SPOCK3: variants seen among roughly 807,000 people sequenced by gnomAD.
The protein encoded by SPOCK3 is SPARC (osteonectin), cwcv and kazal like domains proteoglycan 3, also known as testican-3.
SPOCK3 carries 30 observed loss-of-function variants against 56.6 expected under a neutral mutation model. That is an observed-to-expected ratio of 0.53 (90% CI 0.40 to 0.72). SPOCK3 has a LOEUF of 0.72. Ranked by LOEUF, SPOCK3 falls within the 30% of genes least tolerant of loss-of-function variation. The probability of loss-of-function intolerance (pLI) is 0.00; values close to 1 mark genes in which losing one functional copy is unlikely to be tolerated. For missense variants in SPOCK3, 527 were observed against 530.0 expected (o/e 0.99, Z 0.06); for synonymous variants, 196 against 183.3 (o/e 1.07, Z -0.56).
chr4:166,896,818 G>C (rs191324368), intron 5 of SPOCK3, among the ~76,000 whole-genome samples: 1 of 152,234 alleles, frequency 6.6e-6, no homozygotes, highest in East Asian at 1.9e-4. Context: ...TTCCTCTGTA[G>C]TATAAAAATT....
chr4:167,082,574 A>T (rs928136150), intron 2 of SPOCK3, among the ~76,000 whole-genome samples: 1 of 152,062 alleles, frequency 6.6e-6, no homozygotes, highest in African/African-American at 2.4e-5. Context: ...TGACTGTTTT[A>T]TGCTTGTTTA....
chr4:166,762,395 A>G (rs1737358834), intron 7 of SPOCK3, among the ~76,000 whole-genome samples: 1 of 152,114 alleles, frequency 6.6e-6, no homozygotes, highest in Admixed American at 6.6e-5. Context: ...CCCTTGATCC[A>G]AAGTATAAAA....
At chr4:166,932,076 C>T (rs1739852471) in intron 4 of SPOCK3, among the ~76,000 whole-genome samples, 2 of 152,154 alleles carry the variant, frequency 1.3e-5, no homozygotes, top group Admixed American at 1.3e-4. Flanking sequence ...TTATTGCTTT[C>T]AGAATAATGC....
At chr4:167,166,239 T>C (rs1765751335) in intron 2 of SPOCK3, among the ~76,000 whole-genome samples, 2 of 152,032 alleles carry the variant, frequency 1.3e-5, no homozygotes, top group Admixed American at 6.6e-5. Context: ...AACTAGAACA[T>C]TGCAGAAAAA....
chr4:166,967,544 C>A (rs1744874669), intron 4 of SPOCK3, among the ~76,000 whole-genome samples: 2 of 152,286 alleles, frequency 1.3e-5, no homozygotes, highest in Non-Finnish European at 2.9e-5. Flanking sequence ...CTCTATTCTG[C>A]CACCATGTGA....
chr4:166,927,431 C>T (rs991906007), intron 4 of SPOCK3, among the ~76,000 whole-genome samples: 27 of 152,170 alleles, frequency 1.8e-4, no homozygotes, highest in African/African-American at 5.8e-4. Context: ...TTTCACCTTT[C>T]GCCATGATTG....
At chr4:166,800,865 A>G (rs929514354) in intron 6 of SPOCK3, among the ~76,000 whole-genome samples, 1 of 152,030 alleles carries the variant, frequency 6.6e-6, no homozygotes, top group Non-Finnish European at 1.5e-5. Flanking sequence ...TTCACTCACC[A>G]CTCACTCAGT....
intron 4 of SPOCK3, among the ~76,000 whole-genome samples, chr4:166,978,145 G>A (rs1320332295): frequency 6.6e-6 from 1 of 152,086 alleles, no homozygotes; most frequent in Non-Finnish European, 1.5e-5. Flanking sequence ...GTATTATTAG[G>A]ATTGGCAATT....
At chr4:166,915,369 A>G (rs1194232851) in intron 4 of SPOCK3, among the ~76,000 whole-genome samples, 1 of 152,186 alleles carries the variant, frequency 6.6e-6, no homozygotes, top group African/African-American at 2.4e-5. Context: ...TTGGTTTGGC[A>G]TCAGAGATTG....
At position 166,955,262 on chromosome 4, in the gene SPOCK3, A is replaced by T. The variant is rs896999656; in HGVS notation, c.351-42519T>A. Among the ~76,000 whole-genome samples, 14 of 151,528 alleles carry T rather than the reference A, an allele frequency of 9.2e-5. No homozygotes were observed. In the East Asian group the frequency reaches 2.5e-3, roughly 27 times the overall value. On this transcript the variant is annotated intron_variant, in intron 4 of 10. Coordinates refer to ENST00000357545, the MANE Select transcript of SPOCK3 (RefSeq NM_001040159.2). ...TTAAAGAATATTGTATTGTCATAAT[A>T]CATATATTTATTTTAATCAAGTATT...
intron 3 of SPOCK3, chr4:167,011,397 A>C (rs1407850597): frequency 2.6e-6 from 1 of 387,974 alleles, no homozygotes; most frequent in African/African-American, 2.1e-5. Flanking sequence ...TTCTGTAGTC[A>C]TCATTGTTTC....
In SPOCK3 at chr4:167,153,400, TA is replaced by T. The variant is rs578009611; in HGVS notation, c.189+80584del. On this transcript the variant is annotated intron_variant, in intron 2 of 10. Coordinates refer to ENST00000357545, the MANE Select transcript of SPOCK3 (RefSeq NM_001040159.2). ...TTTCTTAGAAAACTGTTAGATTATA[TA>T]AATCAAAGAGGATTGCTTTATAGGA... is the stretch of plus-strand genomic sequence containing the variant. Among the ~76,000 whole-genome samples, 24 of 152,358 alleles carry T rather than the reference TA, an allele frequency of 1.6e-4. 2 individuals carry two copies. In the South Asian group the frequency reaches 5.0e-3, roughly 32 times the overall value.
In SPOCK3 at chr4:166,928,062, GA is replaced by G. The variant is rs1739317424; in HGVS notation, c.351-15320del. Among the ~76,000 whole-genome samples, 3 of 152,098 alleles carry G rather than the reference GA, an allele frequency of 2.0e-5. No homozygotes were observed. The South Asian group carries it at 6.2e-4, about 32-fold the overall frequency. ...AACTTATTAGAATGGCCAAAACTCA[GA>G]ACGCTGACAACACCAAAAGCTGGGG... On this transcript the variant is annotated intron_variant, in intron 4 of 10. Transcript: ENST00000357545.
intron 3 of SPOCK3, among the ~76,000 whole-genome samples, chr4:167,013,660 C>T (rs981716987): frequency 3.3e-5 from 5 of 151,830 alleles, no homozygotes; most frequent in South Asian, 2.1e-4. Flanking sequence ...ATTGTCTTTC[C>T]GGTGTTAGAA....
chr4:167,202,426 T>C (rs1035293274), intron 2 of SPOCK3, among the ~76,000 whole-genome samples: 6 of 151,996 alleles, frequency 3.9e-5, no homozygotes, highest in South Asian at 2.1e-4. Flanking sequence ...GTATAAAATA[T>C]AGTCAGCTTT....
Position 167,153,852 on chromosome 4 carries a change from G to A in SPOCK3, c.189+80133C>T, listed in dbSNP as rs144767882. 2.6e-3 allele frequency among the ~76,000 whole-genome samples: 393 copies of A among 152,236 alleles called. 2 individuals are homozygous for A. The highest frequency in any genetic ancestry group is 8.9e-3 in the African/African-American group (371 of 41,540). On this transcript the variant is annotated intron_variant, in intron 2 of 10. Coordinates refer to ENST00000357545, the MANE Select transcript of SPOCK3 (RefSeq NM_001040159.2). ...ATTCTGATTACAAGTGACAGTAACT[G>A]ACTTCAAATTAGTTTAAGCGGGGAA... is the stretch of plus-strand genomic sequence containing the variant.
At chr4:166,752,235 C>T (rs1372928969) in intron 8 of SPOCK3, among the ~76,000 whole-genome samples, 2 of 151,922 alleles carry the variant, frequency 1.3e-5, no homozygotes, top group East Asian at 1.9e-4. Context: ...ACATTGCCCA[C>T]ACTGCTCGGA....
chr4:166,770,423 C>T (rs1401505854), intron 7 of SPOCK3, among the ~76,000 whole-genome samples: 1 of 152,112 alleles, frequency 6.6e-6, no homozygotes, highest in Non-Finnish European at 1.5e-5. Context: ...TCAGGTGATT[C>T]ATAACTTTAA....
intron 6 of SPOCK3, among the ~76,000 whole-genome samples, chr4:166,868,785 C>T (rs992434488): frequency 6.6e-6 from 1 of 152,098 alleles, no homozygotes; most frequent in Non-Finnish European, 1.5e-5. Context: ...GCTATGTGTA[C>T]ATTTCTCAAA....
Sources: gnomAD v4.1 joint callset for allele counts (sites outside exome capture counted in the v4.1 genomes callset) on GRCh38, gnomAD v4.1.1 for gene constraint, MANE v1.5 for transcripts, NCBI Gene and HGNC (gene_info 2026-07-23, HGNC 2026-07-21) for gene names.